Variants in SOS2 observed in about 807,000 individuals in gnomAD.
SOS2 encodes son of sevenless homolog 2.
Under a neutral mutation model 148.2 loss-of-function variants are expected in SOS2, and 65 were observed. The observed-to-expected ratio is 0.44, with a 90% CI of 0.36 to 0.54. SOS2 has a LOEUF of 0.54. SOS2 is among the 20% of genes least tolerant of loss of function. The pLI, the probability that SOS2 is intolerant of heterozygous loss-of-function variation, is 0.00. For synonymous variants in SOS2, 539 were observed against 537.1 expected (o/e 1.00, Z -0.05); for missense variants, 1,341 against 1,590.2 (o/e 0.84, Z 2.67).
At chr14:50,191,682 T>C (rs745537161) in intron 4 of SOS2, among the ~76,000 whole-genome samples, 7 of 152,134 alleles carry the variant, frequency 4.6e-5, no homozygotes, top group South Asian at 2.1e-4. Flanking sequence ...TTATAATATA[T>C]AAGAAACAGT....
intron 12 of SOS2, chr14:50,156,298 A>C (rs1050035014): frequency 1.3e-5 from 2 of 151,696 alleles, no homozygotes; most frequent in Admixed American, 6.6e-5. Flanking sequence ...AAAGTCAGAC[A>C]TGAGTCTGAA....
In SOS2 at chr14:50,196,301, AT is replaced by A. The variant is rs550873085; in HGVS notation, c.510+3389del. Among the ~76,000 whole-genome samples, 370 of 152,290 alleles carry A rather than the reference AT, an allele frequency of 2.4e-3. 2 individuals are homozygous for A. In the Middle Eastern group the frequency reaches 0.061, roughly 25 times the overall value. ...TTTGTCATTTCAATTTTTAAAAGAA[AT>A]TTTTGTGGGTACATAGTAGGTGTAT... On this transcript the variant is annotated intron_variant, in intron 4 of 22. Coordinates refer to ENST00000216373, the MANE Select transcript of SOS2 (RefSeq NM_006939.4).
chr14:50,196,160 G>T (rs1490832670), intron 4 of SOS2, among the ~76,000 whole-genome samples: 1 of 152,210 alleles, frequency 6.6e-6, no homozygotes, highest in East Asian at 1.9e-4. Context: ...AGGGAAGGGG[G>T]ACAAAACCTC....
intron 12 of SOS2, among the ~76,000 whole-genome samples, chr14:50,155,268 A>G (rs1373081046): frequency 6.6e-6 from 1 of 152,066 alleles, no homozygotes; most frequent in Non-Finnish European, 1.5e-5. Context: ...AACAGGTTTA[A>G]TAACTTGGCT....
At chr14:50,219,668 A>G (rs912333154) in intron 1 of SOS2, among the ~76,000 whole-genome samples, 20 of 152,202 alleles carry the variant, frequency 1.3e-4, no homozygotes, top group Non-Finnish European at 2.8e-4. Flanking sequence ...TACATTGTAA[A>G]TATATGTACT....
At chr14:50,160,756 C>G (rs1884979400) in intron 9 of SOS2, among the ~76,000 whole-genome samples, 1 of 152,152 alleles carries the variant, frequency 6.6e-6, no homozygotes, top group Non-Finnish European at 1.5e-5. Flanking sequence ...TCTCAACACT[C>G]TGGGAGGCCA....
intron 1 of SOS2, among the ~76,000 whole-genome samples, chr14:50,216,531 G>A (rs1292027802): frequency 6.6e-6 from 1 of 152,034 alleles, no homozygotes; most frequent in Non-Finnish European, 1.5e-5. Context: ...GGCCAAGGCA[G>A]GTAGATTACC....
intron 1 of SOS2, among the ~76,000 whole-genome samples, chr14:50,217,703 T>A (rs1887074585): frequency 6.6e-6 from 1 of 152,172 alleles, no homozygotes; most frequent in Non-Finnish European, 1.5e-5. Context: ...ACGCCTGTAA[T>A]CCCAGCACTT....
chr14:50,129,421 G>A (rs376299016), intron 21 of SOS2, among the ~76,000 whole-genome samples: 25 of 152,142 alleles, frequency 1.6e-4, no homozygotes, highest in African/African-American at 5.6e-4. Flanking sequence ...GTCTCACTCC[G>A]TTGCCCAGGC....
intron 2 of SOS2, among the ~76,000 whole-genome samples, chr14:50,202,559 C>A (rs1025081871): frequency 6.6e-6 from 1 of 151,974 alleles, no homozygotes; most frequent in Admixed American, 6.6e-5. Context: ...TGTAGGGAGA[C>A]CCTGTCTCTA....
At chr14:50,130,059 T>G in intron 20 of SOS2, 57 bp from the exon 21 acceptor site, 4 of 1,088,562 alleles carry the variant, frequency 3.7e-6, no homozygotes, top group African/African-American at 1.6e-5. Flanking sequence ...GTATTATTTT[T>G]TAAATGTTTC....
rs726798 is a variant in SOS2, at chr14:50,145,739, C to T, written c.2385-143G>A. ...AACAAGTAATTCAGAGAGGAATAGA[C>T]CCAAATAGCTACAAACACGAAAACA... is the stretch of plus-strand genomic sequence containing the variant. On this transcript the variant is annotated intron_variant, in intron 14 of 22. Transcript: ENST00000216373. The T allele has an allele frequency of 0.86, 468,020 of 543,592 alleles. 202,150 individuals are homozygous for T. The highest frequency in any genetic ancestry group is 0.92 in the East Asian group (29,839 of 32,390). 33.7% of individuals were successfully genotyped at this position (543,592 alleles called of 1,614,324 possible).
chr14:50,138,789 T>TG lies in SOS2; in HGVS notation c.2786-6_2786-5insC. The stretch of plus-strand genomic sequence containing the variant: ...GAATATTTGTTAAATATATTCCTAG[T>TG]AAAAAAAAAAAAAGAATTTAAAGAA... On this transcript the variant is annotated splice_polypyrimidine_tract_variant and splice_region_variant and intron_variant, in intron 17 of 22. Transcript: ENST00000216373. 1.6e-6 allele frequency: 1 copy of TG among 622,026 alleles called. No individual in the cohort carries two copies. Among genetic ancestry groups the TG allele is most frequent in the South Asian group, 3.1e-5 (1 of 32,108 alleles). The allele number at this position is 622,026 out of a possible 1,614,324, so 38.5% of individuals were successfully genotyped here. A position where few individuals can be genotyped will look rare whatever the true frequency, so the allele number is the denominator to read the frequency against.
chr14:50,184,390 G>C (rs995643277), intron 5 of SOS2, among the ~76,000 whole-genome samples: 2 of 152,146 alleles, frequency 1.3e-5, no homozygotes, highest in Non-Finnish European at 2.9e-5. Context: ...CCTGGTTCCT[G>C]TCTTAGAGCC....
At chr14:50,167,532 T>A (rs187619006) in intron 8 of SOS2, among the ~76,000 whole-genome samples, 3 of 149,710 alleles carry the variant, frequency 2.0e-5, no homozygotes, top group Non-Finnish European at 4.5e-5. Flanking sequence ...TGAGACTCTG[T>A]CTAAAAAAAA....
chr14:50,159,440 TATG>T lies in SOS2; in HGVS notation c.1840_1842del (p.His614del). 1 of 1,604,720 alleles carries T rather than the reference TATG, an allele frequency of 6.2e-7. No homozygotes were observed. The highest frequency in any genetic ancestry group is 8.5e-7 in the Non-Finnish European group (1 of 1,173,310). Reference sequence around the variant, plus strand: ...AATGAGTTTCACATACCTGCATACATATGATATGTTAACCTTTCAATTAATTTC... The same window carrying T: ...AATGAGTTTCACATACCTGCATACATATATGTTAACCTTTCAATTAATTTC... On this transcript the variant is annotated inframe_deletion, in exon 10 of 23. Transcript: ENST00000216373.
intron 21 of SOS2, among the ~76,000 whole-genome samples, chr14:50,128,954 A>C (rs1424440809): frequency 1.3e-5 from 2 of 152,178 alleles, no homozygotes; most frequent in Non-Finnish European, 2.9e-5. Context: ...TATAAAATTA[A>C]ACATTTAAAA....
At chr14:50,192,401 A>G (rs773158849) in intron 4 of SOS2, among the ~76,000 whole-genome samples, 1 of 151,192 alleles carries the variant, frequency 6.6e-6, no homozygotes, top group Non-Finnish European at 1.5e-5. Context: ...CTAAAAGTAC[A>G]AAAAATTAGC....
At chr14:50,199,535 G>T (rs1379385912) in intron 4 of SOS2, among the ~76,000 whole-genome samples, 156 bp downstream of exon 4, 1 of 151,848 alleles carries the variant, frequency 6.6e-6, no homozygotes, top group Admixed American at 6.6e-5. Context: ...TTAAAAACCT[G>T]GAAATATCAC....
Sources: allele counts gnomAD v4.1 joint callset (sites outside exome capture counted in the v4.1 genomes callset), GRCh38; gene constraint gnomAD v4.1.1; transcripts MANE v1.5; gene names NCBI Gene and HGNC (gene_info 2026-07-23, HGNC 2026-07-21).